CBLN4: variants seen among roughly 807,000 people sequenced by gnomAD.
CBLN4 encodes cerebellin 4 precursor, also known as cerebellin-4.
In CBLN4, 7 loss-of-function variants were observed where a neutral mutation model predicts 14.9. That is an observed-to-expected ratio of 0.47 (90% confidence interval 0.27 to 0.88). The LOEUF (loss-of-function observed/expected upper bound fraction) is 0.88, where lower values mean the gene tolerates loss of function less well. Ranked by LOEUF, CBLN4 falls within the 40% of genes least tolerant of loss-of-function variation. The pLI is 0.14. For missense variants in CBLN4, 188 were observed against 256.8 expected (o/e 0.73, Z 1.83); for synonymous variants, 131 against 116.5 (o/e 1.12, Z -0.80).
rs1454221254 is a variant in CBLN4, at chr20:55,998,302, G to A, written c.*255C>T. 1 of 440,276 alleles carries A rather than the reference G, an allele frequency of 2.3e-6. No homozygotes were observed. Among genetic ancestry groups the A allele is most frequent in the Admixed American group, 4.0e-5 (1 of 25,234 alleles). 27.3% of individuals were successfully genotyped at this position (440,276 alleles called of 1,614,324 possible). ...GGAAATGAAATTCAGAATAAGTCTT[G>A]CAGACAGCTTTTGACTGTTACATTT... On this transcript the variant is annotated 3_prime_UTR_variant, in exon 3 of 3. Transcript: ENST00000064571.
At position 56,000,778 on chromosome 20, in the gene CBLN4, T is replaced by C. The variant is rs752401576; in HGVS notation, c.361A>G (p.Ser121Gly). The change falls in exon 2 of 3, where the codon AGT (serine) becomes GGT (glycine). Residue 121 changes from serine (S) to glycine (G), a missense_variant. Transcript: ENST00000064571. ...VFVAPRKGIY[S>G]FSFHVIKVYQ... ...ACTTTAATCACGTGAAAACTGAAAC[T>C]GTAAATTCCTTTTCTTGGTGCTACA... is the stretch of plus-strand genomic sequence containing the variant. The C allele has an allele frequency of 2.5e-6, 4 of 1,602,666 alleles. No individual in the cohort carries two copies. In the Admixed American group the frequency reaches 5.1e-5, roughly 21 times the overall value.
intron 1 of CBLN4, among the ~76,000 whole-genome samples, chr20:56,002,249 A>G (rs1986388096): frequency 6.6e-6 from 1 of 152,222 alleles, no homozygotes; most frequent in Admixed American, 6.5e-5. Context: ...TGGTCTTTCA[A>G]CAAGTCACCA....
chr20:56,000,632 T>C (rs1308538110), intron 2 of CBLN4, 99 bp downstream of exon 2: 20 of 510,918 alleles, frequency 3.9e-5, no homozygotes, highest in East Asian at 2.5e-4. Context: ...CTTATTTCTA[T>C]TGTGGAAACA....
In CBLN4 at chr20:55,999,336, G is replaced by C. The variant is rs112116039; in HGVS notation, c.409-582C>G. ...AACAAGCATCAAAAACAATCATCAGGCCAGGCATAGTGGCTCATGCCTGTA... is the reference window on the plus strand; with the variant it reads ...AACAAGCATCAAAAACAATCATCAGCCCAGGCATAGTGGCTCATGCCTGTA... On this transcript the variant is annotated intron_variant, in intron 2 of 2. Coordinates refer to ENST00000064571, the MANE Select transcript of CBLN4 (RefSeq NM_080617.6). Among the ~76,000 whole-genome samples, 1,447 of 152,244 alleles carry C rather than the reference G, an allele frequency of 9.5e-3. 34 individuals carry two copies. Among genetic ancestry groups the C allele is most frequent in the African/African-American group, 0.033 (1,357 of 41,538 alleles).
intron 1 of CBLN4, among the ~76,000 whole-genome samples, chr20:56,001,469 T>C (rs1305922999): frequency 6.6e-6 from 1 of 152,064 alleles, no homozygotes; most frequent in Non-Finnish European, 1.5e-5. Context: ...CTGGCCCTTC[T>C]CTGAGCCACC....
At chr20:56,001,939 T>C (rs1421951190) in intron 1 of CBLN4, among the ~76,000 whole-genome samples, 3 of 152,168 alleles carry the variant, frequency 2.0e-5, no homozygotes, top group African/African-American at 7.2e-5. Context: ...CACCTGTAAG[T>C]GGCATTCAAA....
At chr20:56,003,303 C>G (rs1477525379) in intron 1 of CBLN4, among the ~76,000 whole-genome samples, 2 of 152,240 alleles carry the variant, frequency 1.3e-5, no homozygotes, top group African/African-American at 4.8e-5. Flanking sequence ...GCCAGCGGTG[C>G]CTGGCACACG....
chr20:56,003,452 A>ACATTTATCCTGTTCCG (rs1320791655), intron 1 of CBLN4, among the ~76,000 whole-genome samples: 1 of 152,216 alleles, frequency 6.6e-6, no homozygotes, highest in Non-Finnish European at 1.5e-5. Context: ...AACAAATCAA[A>ACATTTATCCTGTTCCG]CATTTATCCT....
At chr20:55,999,274 T>G (rs908518179) in intron 2 of CBLN4, among the ~76,000 whole-genome samples, 1 of 152,314 alleles carries the variant, frequency 6.6e-6, no homozygotes, top group African/African-American at 2.4e-5. Flanking sequence ...TATGTGTCTG[T>G]GTGTGTTTAT....
At chr20:56,003,214 T>C (rs1986403882) in intron 1 of CBLN4, among the ~76,000 whole-genome samples, 1 of 152,062 alleles carries the variant, frequency 6.6e-6, no homozygotes, top group Admixed American at 6.5e-5. Flanking sequence ...AGTTGCCAAA[T>C]TCCTTTTCCT....
At chr20:55,999,350 C>T (rs894071262) in intron 2 of CBLN4, among the ~76,000 whole-genome samples, 2 of 152,178 alleles carry the variant, frequency 1.3e-5, no homozygotes, top group African/African-American at 4.8e-5. Flanking sequence ...GGCATAGTGG[C>T]TCATGCCTGT....
rs1600860177 is a variant in CBLN4 at position 55,998,453 on chromosome 20, A to G, written c.*104T>C. On this transcript the variant is annotated 3_prime_UTR_variant, in exon 3 of 3. Transcript: ENST00000064571. ...TCCTTAGAATCCATATCCACCCATG[A>G]GAAACCAATAAAAGACATCAATCCA... 75 of 1,303,654 alleles carry G rather than the reference A, an allele frequency of 5.8e-5. No homozygotes were observed. Among genetic ancestry groups the G allele is most frequent in the Non-Finnish European group, 7.2e-5 (67 of 927,832 alleles). The allele number at this position is 1,303,654 out of a possible 1,614,324, so 80.8% of individuals were successfully genotyped here. A position where few individuals can be genotyped will look rare whatever the true frequency, so the allele number is the denominator to read the frequency against.
intron 1 of CBLN4, among the ~76,000 whole-genome samples, chr20:56,003,010 ATCCTGGGGTT>A (rs1986400141): frequency 6.6e-6 from 1 of 152,216 alleles, no homozygotes; most frequent in Non-Finnish European, 1.5e-5. Flanking sequence ...GTAAGCTGAT[ATCCTGGGGTT>A]TCTCATCAAG....
intron 2 of CBLN4, 108 bp from the exon 3 acceptor site, chr20:55,998,862 G>A (rs138710801): frequency 6.0e-5 from 49 of 813,982 alleles, no homozygotes; most frequent in Non-Finnish European, 9.3e-5. Flanking sequence ...AATACCTGAT[G>A]TTCAGGAAAT....
At chr20:55,999,265 A>G (rs1320945272) in intron 2 of CBLN4, among the ~76,000 whole-genome samples, 2 of 152,182 alleles carry the variant, frequency 1.3e-5, no homozygotes, top group Non-Finnish European at 2.9e-5. Context: ...TTGTGTATAT[A>G]TGTGTCTGTG....
At chr20:56,000,872 A>C (rs1269476423) in intron 1 of CBLN4, 25 bp from the exon 2 acceptor site, 21 of 1,212,484 alleles carry the variant, frequency 1.7e-5, no homozygotes, top group Non-Finnish European at 2.1e-5. Flanking sequence ...AATAAATAAC[A>C]ATAAGTTATT....
At chr20:55,999,524 A>T (rs188870487) in intron 2 of CBLN4, among the ~76,000 whole-genome samples, 116 of 152,308 alleles carry the variant, frequency 7.6e-4, no homozygotes, top group Admixed American at 2.8e-3. Context: ...GCTTCTCAAA[A>T]GGCTGAGGCA....
In CBLN4 at chr20:56,003,887, G is replaced by A; in HGVS notation, c.285C>T (p.Phe95=). 1 of 1,609,652 alleles carries A rather than the reference G, an allele frequency of 6.2e-7. No individual in the cohort carries two copies. The highest frequency in any genetic ancestry group is 8.5e-7 in the Non-Finnish European group (1 of 1,177,686). Residue 95 remains phenylalanine (F), a synonymous_variant, in exon 1 of 3, where the codon TTC becomes TTT. Transcript: ENST00000064571. The stretch of plus-strand genomic sequence containing the variant: ...GCTTCCCCCCGGGTCTGACCTGATC[G>A]AAGTAAATGATGCGCGTCTTGTTGC... The part of the protein sequence containing the change: ...EMSNKTRIIY[F]DQILVNVGNF...
rs1177443870 is a variant in CBLN4, at chr20:56,004,037, G to C, written c.135C>G (p.Asp45Glu). 6.2e-7 allele frequency: 1 copy of C among 1,613,922 alleles called. No individual in the cohort carries two copies. Among genetic ancestry groups the C allele is most frequent in the Non-Finnish European group, 8.5e-7 (1 of 1,179,998 alleles). ...VLEGKCLVVCDSNPATDSKGS... is the reference protein window; with the variant it reads ...VLEGKCLVVCESNPATDSKGS... Reference sequence around the variant, plus strand: ...CCTTGGAGTCCGTGGCCGGGTTCGAGTCGCACACCACCAGACACTTGCCCT... The same window carrying C: ...CCTTGGAGTCCGTGGCCGGGTTCGACTCGCACACCACCAGACACTTGCCCT... Residue 45 changes from aspartate to glutamate, a missense_variant, in exon 1 of 3, where the codon GAC (aspartate) becomes GAG (glutamate). Transcript: ENST00000064571. This position sits in a 1 kb window ranked among gnomAD's most constrained non-coding sequence, Gnocchi z 6.1.
Sources: allele counts gnomAD v4.1 joint callset (sites outside exome capture counted in the v4.1 genomes callset), GRCh38; gene constraint gnomAD v4.1.1; non-coding constraint Gnocchi (gnomAD v3.1); transcripts MANE v1.5; gene names NCBI Gene and HGNC (gene_info 2026-07-23, HGNC 2026-07-21).